The following GADD45A variants were observed in gnomAD, a reference collection of about 807,000 sequenced individuals.
GADD45A encodes the protein growth arrest and DNA damage inducible alpha.
In GADD45A, 9 loss-of-function variants were observed where a neutral mutation model predicts 17.7. The observed-to-expected ratio is 0.51, with a 90% CI of 0.31 to 0.89. The LOEUF is 0.89. GADD45A is among the 40% of genes least tolerant of loss of function. The pLI is 0.05. For synonymous variants in GADD45A, 95 were observed against 92.2 expected (o/e 1.03, Z -0.17); for missense variants, 149 against 220.6 (o/e 0.68, Z 2.06).
chr1:67,685,900 G>T, intron 1 of GADD45A, 125 bp from the exon 2 acceptor site: 6 of 653,188 alleles, frequency 9.2e-6, no homozygotes, highest in Non-Finnish European at 1.6e-5. Flanking sequence ...CCGGGTTTTC[G>T]TAGAGCCCAG....
rs2100648603 is a variant in GADD45A at position 67,688,331 on chromosome 1, A to G, written c.*557A>G. The G allele has an allele frequency of 6.5e-6, 1 of 152,966 alleles. No individual in the cohort carries two copies. The highest frequency in any genetic ancestry group is 1.9e-4 in the East Asian group (1 of 5,184). 9.5% of individuals were successfully genotyped at this position (152,966 alleles called of 1,614,324 possible). Reference sequence around the variant, plus strand: ...ACAATAAACTGGTATGAATAATTGCATCATTTCTTATTGTGTGCTCTTGTT... The same window carrying G: ...ACAATAAACTGGTATGAATAATTGCGTCATTTCTTATTGTGTGCTCTTGTT... On this transcript the variant is annotated 3_prime_UTR_variant, in exon 4 of 4. Coordinates refer to ENST00000370986, the MANE Select transcript of GADD45A (RefSeq NM_001924.4).
chr1:67,686,616 G>T, intron 3 of GADD45A, 29 bp downstream of exon 3: 1 of 1,580,702 alleles, frequency 6.3e-7, no homozygotes, highest in Non-Finnish European at 8.6e-7. Context: ...GCAGCCTGCA[G>T]GGTAGAGCCC....
intron 2 of GADD45A, 63 bp downstream of exon 2, chr1:67,686,189 T>C: frequency 1.4e-6 from 2 of 1,444,864 alleles, no homozygotes. Flanking sequence ...GGAGGTCGCC[T>C]TGGCTGGGCG....
At chr1:67,685,962 G>C in intron 1 of GADD45A, 63 bp from the exon 2 acceptor site, 1 of 1,069,438 alleles carries the variant, frequency 9.4e-7, no homozygotes, top group Non-Finnish European at 1.4e-6. Flanking sequence ...CCGGACGAGG[G>C]GGGCGGCGAT....
At chr1:67,686,269 G>A (rs566912412) in intron 2 of GADD45A, 81 bp from the exon 3 acceptor site, 12 of 1,410,016 alleles carry the variant, frequency 8.5e-6, no homozygotes, top group South Asian at 1.2e-5. Context: ...CGAGCGGGCC[G>A]GGCGGCGACC....
chr1:67,686,215 C>T, intron 2 of GADD45A, 89 bp downstream of exon 2: 1 of 1,375,168 alleles, frequency 7.3e-7, no homozygotes, highest in Admixed American at 2.2e-5. Context: ...CGCCCGGCCG[C>T]GCCACTTCCT....
Position 67,687,666 on chromosome 1 carries a change from A to G in GADD45A, c.390A>G (p.Pro130=), listed in dbSNP as rs1557584158. Residue 130 remains proline (P), a synonymous_variant, in exon 4 of 4, where the codon CCA becomes CCG. Coordinates refer to ENST00000370986, the MANE Select transcript of GADD45A (RefSeq NM_001924.4). ...TTTTATAAATTTGTTTCCAGAATCC[A>G]CATTCATCTCAATGGAAGGATCCTG... ...PDLHCVLVTN[P]HSSQWKDPAL... 1 of 1,591,736 alleles carries G rather than the reference A, an allele frequency of 6.3e-7. No homozygotes were observed.
chr1:67,687,927 C>A lies in GADD45A; in HGVS notation c.*153C>A. ...AGTTCAACTACATGTTCTGGGGGCCCGGAGATAGATGACTTTGCAGATGGA... is the reference window on the plus strand; with the variant it reads ...AGTTCAACTACATGTTCTGGGGGCCAGGAGATAGATGACTTTGCAGATGGA... On this transcript the variant is annotated 3_prime_UTR_variant, in exon 4 of 4. Coordinates refer to ENST00000370986, the MANE Select transcript of GADD45A (RefSeq NM_001924.4). 1 of 502,924 alleles carries A rather than the reference C, an allele frequency of 2.0e-6. No homozygotes were observed. The highest frequency in any genetic ancestry group is 3.8e-5 in the South Asian group (1 of 26,506). 31.2% of individuals were successfully genotyped at this position (502,924 alleles called of 1,614,324 possible). A position where few individuals can be genotyped will look rare whatever the true frequency, so the allele number is the denominator to read the frequency against.
intron 2 of GADD45A, 64 bp from the exon 3 acceptor site, chr1:67,686,286 G>T: frequency 6.7e-7 from 1 of 1,485,440 alleles, no homozygotes; most frequent in East Asian, 2.4e-5. Flanking sequence ...GACCCCCAGG[G>T]ACCCGGGCAG....
At position 67,687,914 on chromosome 1, in the gene GADD45A, T is replaced by C. The variant is rs890670847; in HGVS notation, c.*140T>C. On this transcript the variant is annotated 3_prime_UTR_variant, in exon 4 of 4. Coordinates refer to ENST00000370986, the MANE Select transcript of GADD45A (RefSeq NM_001924.4). ...AAGGGGCTGAGTGAGTTCAACTACA[T>C]GTTCTGGGGGCCCGGAGATAGATGA... The C allele has an allele frequency of 2.2e-5, 12 of 553,064 alleles. No homozygotes were observed. The highest frequency in any genetic ancestry group is 5.7e-5 in the South Asian group (2 of 35,168). 34.3% of individuals were successfully genotyped at this position (553,064 alleles called of 1,614,324 possible).
Position 67,686,551 on chromosome 1 carries a change from C to A in GADD45A, c.348C>A (p.Ala116=), listed in dbSNP as rs572935432. The A allele has an allele frequency of 1.9e-6, 3 of 1,612,006 alleles. No homozygotes were observed. Among genetic ancestry groups the A allele is most frequent in the African/African-American group, 2.7e-5 (2 of 74,918 alleles). Reference sequence around the variant, plus strand: ...CTGGCCCCGCGGCGAGCGAGGGCGCCGAGCAGCCCCCGGACCTGCACTGCG... The same window carrying A: ...CTGGCCCCGCGGCGAGCGAGGGCGCAGAGCAGCCCCCGGACCTGCACTGCG... ...TDAGPAASEG[A]EQPPDLHCVL... Residue 116 remains alanine, a synonymous_variant, in exon 3 of 4, where the codon GCC becomes GCA. Transcript: ENST00000370986.
Position 67,685,362 on chromosome 1 carries a change from C to T in GADD45A, c.-133C>T, listed in dbSNP as rs1241352287. The T allele has an allele frequency of 1.3e-5, 10 of 749,596 alleles. No homozygotes were observed. Among genetic ancestry groups the T allele is most frequent in the Non-Finnish European group, 2.1e-5 (10 of 469,746 alleles). 46.4% of individuals were successfully genotyped at this position (749,596 alleles called of 1,614,324 possible). ...GGAGCCCGGGCGGGCGAGGGGCGGC[C>T]GGAGAGCGCCAGGGCCTGAGCTGCC... On this transcript the variant is annotated 5_prime_UTR_variant, in exon 1 of 4. Transcript: ENST00000370986.
At chr1:67,687,516 G>A (rs1251835914) in intron 3 of GADD45A, 145 bp from the exon 4 acceptor site, 1 of 615,644 alleles carries the variant, frequency 1.6e-6, no homozygotes, top group Non-Finnish European at 2.9e-6. Context: ...CTACCTTGAA[G>A]AAACTTTAAT....
rs150584636 is a variant in GADD45A, at chr1:67,686,228, C to T, written c.146+102C>T. ...CTCGCCCGGCCGCGCCACTTCCTGTCGCTTTTCTGCCTGTCTCGGAAGGGA... is the reference window on the plus strand; with the variant it reads ...CTCGCCCGGCCGCGCCACTTCCTGTTGCTTTTCTGCCTGTCTCGGAAGGGA... On this transcript the variant is annotated intron_variant, in intron 2 of 3. Transcript: ENST00000370986. 2.5e-3 allele frequency: 3,349 copies of T among 1,366,658 alleles called. 6 individuals are homozygous for T. Among genetic ancestry groups the T allele is most frequent in the Non-Finnish European group, 3.1e-3 (3,041 of 989,460 alleles). The allele number at this position is 1,366,658 out of a possible 1,614,324, so 84.7% of individuals were successfully genotyped here.
At position 67,686,425 on chromosome 1, in the gene GADD45A, C is replaced by T; in HGVS notation, c.222C>T (p.His74=). ...ACAGAGATGTGGCTCTGCAGATCCA[C>T]TTCACCCTGATCCAGGCGTTTTGCT... ...DDDRDVALQI[H]FTLIQAFCCE... Residue 74 remains histidine (H), a synonymous_variant, in exon 3 of 4, where the codon CAC becomes CAT. Coordinates refer to ENST00000370986, the MANE Select transcript of GADD45A (RefSeq NM_001924.4). The T allele has an allele frequency of 6.2e-7, 1 of 1,613,860 alleles. No homozygotes were observed. The highest frequency in any genetic ancestry group is 2.2e-5 in the East Asian group (1 of 44,876).
chr1:67,686,078 A>G lies in GADD45A; in HGVS notation c.98A>G (p.Gln33Arg). Residue 33 changes from glutamine (Q) to arginine (R), a missense_variant, in exon 2 of 4, where the codon CAG becomes CGG. Gln to Arg is a conservative substitution (Grantham distance 43, BLOSUM62 1). Transcript: ENST00000370986. Reference protein sequence around the residue: ...LEEVLSKALSQRTITVGVYEA... With the variant: ...LEEVLSKALSRRTITVGVYEA... ...GAAGTGCTCAGCAAAGCCCTGAGTC[A>G]GCGCACGATCACTGTCGGGGTGTAC... 1 of 1,609,696 alleles carries G rather than the reference A, an allele frequency of 6.2e-7. No homozygotes were observed. Among genetic ancestry groups the G allele is most frequent in the South Asian group, 1.1e-5 (1 of 90,738 alleles).
At position 67,685,549 on chromosome 1, in the gene GADD45A, C is replaced by G. The variant is rs1288876378; in HGVS notation, c.44+11C>G. ...GCAGAAGACCGAAAGGTGAGTCGGCCTGCGGACTCTTCCGGCCCGAACTTC... is the reference window on the plus strand; with the variant it reads ...GCAGAAGACCGAAAGGTGAGTCGGCGTGCGGACTCTTCCGGCCCGAACTTC... On this transcript the variant is annotated intron_variant, in intron 1 of 3. Transcript: ENST00000370986. The G allele has an allele frequency of 6.2e-7, 1 of 1,602,630 alleles. No homozygotes were observed. The highest frequency in any genetic ancestry group is 8.5e-7 in the Non-Finnish European group (1 of 1,173,738).
rs765183194 is a variant in GADD45A, at chr1:67,687,943, T to C, written c.*169T>C. The C allele has an allele frequency of 2.0e-5, 10 of 499,376 alleles. No homozygotes were observed. Among genetic ancestry groups the C allele is most frequent in the Non-Finnish European group, 3.6e-5 (10 of 280,036 alleles). The allele number at this position is 499,376 out of a possible 1,614,324, so 30.9% of individuals were successfully genotyped here. On this transcript the variant is annotated 3_prime_UTR_variant, in exon 4 of 4. Coordinates refer to ENST00000370986, the MANE Select transcript of GADD45A (RefSeq NM_001924.4). ...CTGGGGGCCCGGAGATAGATGACTT[T>C]GCAGATGGAAAGAGGTGAAAATGAA...
Position 67,685,664 on chromosome 1 carries a change from C to T in GADD45A, c.44+126C>T, listed in dbSNP as rs933332956. 4.4e-6 allele frequency: 4 copies of T among 909,672 alleles called. No individual in the cohort carries two copies. The African/African-American group carries it at 5.1e-5, about 12-fold the overall frequency. The allele number at this position is 909,672 out of a possible 1,614,324, so 56.4% of individuals were successfully genotyped here. Reference sequence around the variant, plus strand: ...AAAGTTTGCACAGGGCAACTCCCGCCCTTGCTCCCTCGGGACTCTCCGTGG... The same window carrying T: ...AAAGTTTGCACAGGGCAACTCCCGCTCTTGCTCCCTCGGGACTCTCCGTGG... On this transcript the variant is annotated intron_variant, in intron 1 of 3. Coordinates refer to ENST00000370986, the MANE Select transcript of GADD45A (RefSeq NM_001924.4).
Sources: gnomAD v4.1 joint callset for allele counts on GRCh38, gnomAD v4.1.1 for gene constraint, MANE v1.5 for transcripts, NCBI Gene and HGNC (gene_info 2026-07-23, HGNC 2026-07-21) for gene names.